Variants in SLC35F3 observed in about 807,000 individuals in gnomAD.
SLC35F3 encodes the protein solute carrier family 35 member F3.
SLC35F3 carries 25 observed loss-of-function variants against 49.9 expected under a neutral mutation model. The observed-to-expected ratio is 0.50, with a 90% CI of 0.37 to 0.70. SLC35F3 has a LOEUF of 0.70. Ranked by LOEUF, SLC35F3 falls within the 30% of genes least tolerant of loss-of-function variation. SLC35F3 has a pLI of 0.00. For synonymous variants in SLC35F3, 275 were observed against 265.4 expected (o/e 1.04, Z -0.35); for missense variants, 525 against 639.8 (o/e 0.82, Z 1.94).
At chr1:234,276,982 TG>T (rs1300748187) in intron 3 of SLC35F3, among the ~76,000 whole-genome samples, 2 of 152,090 alleles carry the variant, frequency 1.3e-5, no homozygotes, top group South Asian at 2.1e-4. Context: ...AGGGGGAGTT[TG>T]GGGGTGTTCC....
At chr1:234,162,571 C>A (rs1307198319) in intron 2 of SLC35F3, among the ~76,000 whole-genome samples, 3 of 151,888 alleles carry the variant, frequency 2.0e-5, no homozygotes, top group African/African-American at 4.8e-5. Context: ...CTCACCCCTC[C>A]CTCACCTAGC....
intron 2 of SLC35F3, among the ~76,000 whole-genome samples, chr1:233,972,885 T>C (rs1250611916): frequency 6.6e-6 from 1 of 152,228 alleles, no homozygotes; most frequent in African/African-American, 2.4e-5. Flanking sequence ...TGTCACTAAG[T>C]AACAAGGCTG....
intron 3 of SLC35F3, among the ~76,000 whole-genome samples, chr1:234,263,226 G>A (rs1161192397): frequency 2.6e-5 from 4 of 152,168 alleles, no homozygotes; most frequent in Non-Finnish European, 5.9e-5. Context: ...GGGAGTTGGG[G>A]ACTAGGAGTT....
chr1:234,013,024 G>A lies in SLC35F3; in HGVS notation c.283+107266G>A, dbSNP rs1017824273. Among the ~76,000 whole-genome samples the A allele has an allele frequency of 3.3e-5, 5 of 152,152 alleles. No individual in the cohort carries two copies. The East Asian group carries it at 5.8e-4, about 18-fold the overall frequency. ...ACAGAACATTTCATCTAACAGCATC[G>A]GAATACTCATTCTTCTCAAGCACAC... On this transcript the variant is annotated intron_variant, in intron 2 of 7. Transcript: ENST00000366618.
At position 234,231,805 on chromosome 1, in the gene SLC35F3, C is replaced by T. The variant is rs1667383085; in HGVS notation, c.608+64C>T. On this transcript the variant is annotated intron_variant, in intron 3 of 7. Transcript: ENST00000366618. The surrounding 1 kb of genome is among the most constrained non-coding windows in gnomAD (Gnocchi z 5.4). ...GCTGCTCCATCCAGCGCTGACTCTG[C>T]AGAGCTGCCCCTGGTGGCAGGCGCT... The T allele has an allele frequency of 7.5e-6, 11 of 1,461,358 alleles. No homozygotes were observed. The Admixed American group carries it at 1.0e-4, about 13-fold the overall frequency. 90.5% of individuals were successfully genotyped at this position (1,461,358 alleles called of 1,614,324 possible). A position where few individuals can be genotyped will look rare whatever the true frequency, so the allele number is the denominator to read the frequency against.
At chr1:234,303,395 G>A (rs532870420) in intron 3 of SLC35F3, among the ~76,000 whole-genome samples, 3 of 152,282 alleles carry the variant, frequency 2.0e-5, no homozygotes, top group Non-Finnish European at 4.4e-5. Context: ...TGCGGTTCCC[G>A]GTCTGCAGCA....
chr1:234,312,610 C>T (rs1227862883), intron 4 of SLC35F3, among the ~76,000 whole-genome samples: 2 of 152,168 alleles, frequency 1.3e-5, no homozygotes, highest in African/African-American at 2.4e-5. Context: ...TTTCTACTCT[C>T]GGACATAGAA....
chr1:233,956,142 C>A (rs1164542841), intron 2 of SLC35F3, among the ~76,000 whole-genome samples: 1 of 152,064 alleles, frequency 6.6e-6, no homozygotes, highest in Non-Finnish European at 1.5e-5. Flanking sequence ...CCCGTCTCAC[C>A]CTCCCAAAGT....
intron 2 of SLC35F3, among the ~76,000 whole-genome samples, chr1:234,102,497 A>G (rs1431568340): frequency 1.3e-5 from 2 of 152,234 alleles, no homozygotes; most frequent in Non-Finnish European, 2.9e-5. Flanking sequence ...CTAACCTTTC[A>G]GTATCTGTGC....
At chr1:234,182,003 G>A (rs537658889) in intron 2 of SLC35F3, among the ~76,000 whole-genome samples, 94 of 152,280 alleles carry the variant, frequency 6.2e-4, no homozygotes, top group African/African-American at 2.2e-3. Flanking sequence ...TCTCATCAAT[G>A]ATTTGATTTC....
At chr1:233,935,283 A>T (rs1450791391) in intron 2 of SLC35F3, among the ~76,000 whole-genome samples, 1 of 139,774 alleles carries the variant, frequency 7.2e-6, no homozygotes, top group Non-Finnish European at 1.5e-5. Flanking sequence ...AGACTGAGCC[A>T]TACATTATTG....
intron 2 of SLC35F3, among the ~76,000 whole-genome samples, chr1:234,089,372 G>C (rs1665008108): frequency 6.6e-6 from 1 of 152,046 alleles, no homozygotes; most frequent in East Asian, 1.9e-4. Flanking sequence ...AGAGAACCAA[G>C]GGGCTTTCTA....
At chr1:233,955,716 G>A (rs995516680) in intron 2 of SLC35F3, among the ~76,000 whole-genome samples, 12 of 150,496 alleles carry the variant, frequency 8.0e-5, no homozygotes, top group African/African-American at 1.2e-4. Context: ...TAATCCTTCC[G>A]AAATGCAATC....
intron 3 of SLC35F3, among the ~76,000 whole-genome samples, chr1:234,298,258 T>C (rs1668636327): frequency 6.6e-6 from 1 of 152,138 alleles, no homozygotes; most frequent in African/African-American, 2.4e-5. Flanking sequence ...AGTTACTGTT[T>C]TATAGAGGGT....
At position 234,322,918 on chromosome 1, in the gene SLC35F3, CAG is replaced by C. The variant is rs1657660502; in HGVS notation, c.1238-87_1238-86del. On this transcript the variant is annotated intron_variant, in intron 7 of 7. Coordinates refer to ENST00000366618, the MANE Select transcript of SLC35F3 (RefSeq NM_173508.4). ...CAGGGAAGACCACAACACTGCCAGA[CAG>C]AGGAGGGTGCCCCCAGGCCCTGCCC... 6 of 1,050,608 alleles carry C rather than the reference CAG, an allele frequency of 5.7e-6. No individual in the cohort carries two copies. The African/African-American group carries it at 6.3e-5, about 11-fold the overall frequency. 65.1% of individuals were successfully genotyped at this position (1,050,608 alleles called of 1,614,324 possible). A position where few individuals can be genotyped will look rare whatever the true frequency, so the allele number is the denominator to read the frequency against.
chr1:234,247,247 G>T (rs1269286638), intron 3 of SLC35F3, among the ~76,000 whole-genome samples: 2 of 152,282 alleles, frequency 1.3e-5, no homozygotes, highest in Non-Finnish European at 2.9e-5. Context: ...ATGTGTCTAT[G>T]TGTGCATATG....
chr1:234,045,561 A>G (rs1053014833), intron 2 of SLC35F3, among the ~76,000 whole-genome samples: 18 of 152,300 alleles, frequency 1.2e-4, no homozygotes, highest in African/African-American at 4.3e-4. Context: ...ATTCTCAACC[A>G]GGCAGTCTAG....
At position 234,230,395 on chromosome 1, in the gene SLC35F3, C is replaced by T. The variant is rs570168478; in HGVS notation, c.284-1022C>T. On this transcript the variant is annotated intron_variant, in intron 2 of 7. Transcript: ENST00000366618. ...TGACCCCAATATATTCAGGACTCATCTCCTCCCCTAGAGTGAAAATGGCCT... is the reference window on the plus strand; with the variant it reads ...TGACCCCAATATATTCAGGACTCATTTCCTCCCCTAGAGTGAAAATGGCCT... Among the ~76,000 whole-genome samples the T allele has an allele frequency of 1.4e-4, 20 of 142,534 alleles. No individual in the cohort carries two copies. The South Asian group carries it at 1.7e-3, about 12-fold the overall frequency. 93.5% of individuals were successfully genotyped at this position (142,534 alleles called of 152,430 possible). A position where few individuals can be genotyped will look rare whatever the true frequency, so the allele number is the denominator to read the frequency against.
chr1:234,309,238 T>C lies in SLC35F3; in HGVS notation c.746T>C (p.Val249Ala), dbSNP rs751999272. ...ATAAAGAAAATAAACACTACGGATG[T>C]CTCCGTGTTGTTCTGCTGCAACAAA... ...HAIKKINTTD[V>A]SVLFCCNKAF... Residue 249 changes from valine to alanine, a missense_variant, in exon 4 of 8, where the codon GTC (valine) becomes GCC (alanine). Val to Ala is a moderately conservative substitution (Grantham distance 64). Transcript: ENST00000366618. 5.6e-6 allele frequency: 9 copies of C among 1,614,196 alleles called. No homozygotes were observed. The highest frequency in any genetic ancestry group is 1.7e-5 in the Admixed American group (1 of 60,028).
Sources: gnomAD v4.1 joint callset for allele counts (sites outside exome capture counted in the v4.1 genomes callset) on GRCh38, gnomAD v4.1.1 for gene constraint, Gnocchi (gnomAD v3.1) non-coding constraint, MANE v1.5 for transcripts, NCBI Gene and HGNC (gene_info 2026-07-23, HGNC 2026-07-21) for gene names.